AGL: variants seen among roughly 807,000 people sequenced by gnomAD.
The protein encoded by AGL is glycogen debranching enzyme.
In AGL, 128 loss-of-function variants were observed where a neutral mutation model predicts 199.3. The ratio of observed to expected loss-of-function variants is 0.64; its 90% CI spans 0.56 to 0.74. The LOEUF (loss-of-function observed/expected upper bound fraction) is 0.74. AGL is among the 30% of genes least tolerant of loss of function. The pLI, the probability that AGL is intolerant of heterozygous loss-of-function variation, is 0.00. For missense variants in AGL, 1,809 were observed against 1,820.8 expected (o/e 0.99, Z 0.12); for synonymous variants, 584 against 594.7 (o/e 0.98, Z 0.26).
At chr1:99,921,396 T>G in intron 33 of AGL, 138 bp from the exon 34 acceptor site, 1 of 708,852 alleles carries the variant, frequency 1.4e-6, no homozygotes, top group East Asian at 2.5e-5. Context: ...TGTATGTCTT[T>G]AGGATATTGT....
intron 7 of AGL, among the ~76,000 whole-genome samples, chr1:99,871,621 G>A (rs1651022597): frequency 6.6e-6 from 1 of 152,134 alleles, no homozygotes; most frequent in East Asian, 1.9e-4. Flanking sequence ...TGCCTTTGAA[G>A]TAGACGTCAA....
intron 2 of AGL, among the ~76,000 whole-genome samples, chr1:99,860,062 AT>A (rs1402673585): frequency 6.6e-6 from 1 of 152,188 alleles, no homozygotes; most frequent in East Asian, 1.9e-4. Context: ...AGATCAAAAA[AT>A]ATAAACATTC....
At chr1:99,865,163 CAA>C (rs1491471420) in intron 5 of AGL, among the ~76,000 whole-genome samples, 3 of 150,996 alleles carry the variant, frequency 2.0e-5, no homozygotes, top group Non-Finnish European at 3.0e-5. Flanking sequence ...CACAAAATAT[CAA>C]AATATATATA....
Position 99,879,232 on chromosome 1 carries a change from G to A in AGL, c.1612-691G>A, listed in dbSNP as rs568425632. 2.6e-5 allele frequency among the ~76,000 whole-genome samples: 4 copies of A among 152,226 alleles called. No individual in the cohort carries two copies. In the South Asian group the frequency reaches 8.3e-4, roughly 32 times the overall value. On this transcript the variant is annotated intron_variant, in intron 12 of 33. Transcript: ENST00000361915. ...AACAGCTAAGTAATTCACCAGCAGG[G>A]AATTTATGAATAATTATTTAGTCAA...
chr1:99,905,902 G>A (rs893753475), intron 27 of AGL, among the ~76,000 whole-genome samples: 1 of 151,954 alleles, frequency 6.6e-6, no homozygotes, highest in African/African-American at 2.4e-5. Flanking sequence ...TTTTATAATT[G>A]TATAATTGGA....
intron 17 of AGL, among the ~76,000 whole-genome samples, chr1:99,883,295 G>A (rs1040768286): frequency 6.6e-6 from 1 of 152,032 alleles, no homozygotes; most frequent in African/African-American, 2.4e-5. Context: ...TTAAAGTAAG[G>A]TTGAAATTTT....
rs1181274048 is a variant in AGL, at chr1:99,915,369, T to C, written c.4162-20T>C. On this transcript the variant is annotated intron_variant, in intron 30 of 33. Transcript: ENST00000361915. ...TCTGTGATCTTAAAAATTTGTATAT[T>C]TGTTTTTGGCATTCACTAGGCCCCT... The C allele has an allele frequency of 1.9e-6, 3 of 1,587,248 alleles. No homozygotes were observed. The African/African-American group carries it at 4.0e-5, about 21-fold the overall frequency.
chr1:99,857,847 A>AGAGGGAGGCCGTGGGGAGGGGGGGGGGGG (rs1557743553), intron 2 of AGL, among the ~76,000 whole-genome samples: 2 of 8,222 alleles, frequency 2.4e-4, no homozygotes, highest in African/African-American at 4.8e-4. Context: ...GGGGAGGGGG[A>AGAGGGAGGCCGTGGGGAGGGGGGGGGGGG]GGGGGGAAGA....
chr1:99,879,849 CTT>C, intron 12 of AGL, 72 bp from the exon 13 acceptor site: 2 of 1,290,470 alleles, frequency 1.5e-6, no homozygotes, highest in Non-Finnish European at 2.3e-6. Context: ...CCTTTTGTCT[CTT>C]TCCTTCCTCC....
rs2100769049 is a variant in AGL, at chr1:99,884,414, T to C, written c.2509T>C (p.Phe837Leu). 3.7e-6 allele frequency: 6 copies of C among 1,613,266 alleles called. No homozygotes were observed. The East Asian group carries it at 1.3e-4, about 36-fold the overall frequency. Reference protein sequence around the residue: ...GPNEYIQEIEFENLSPGSVII... With the variant: ...GPNEYIQEIELENLSPGSVII... ...CAATGAATATATTCAAGAAATAGAA[T>C]TTGAAAACTTGTCTCCAGGAAGTGT... Residue 837 changes from phenylalanine to leucine, a missense_variant, in exon 19 of 34, where the codon TTT (phenylalanine) becomes CTT (leucine). Phe to Leu is a conservative substitution (Grantham distance 22). Transcript: ENST00000361915.
rs2101145318 is a variant in AGL at position 99,879,968 on chromosome 1, G to A, written c.1657G>A (p.Val553Ile). The change falls in exon 13 of 34, where the codon GTA becomes ATA. Residue 553 changes from valine (V) to isoleucine (I), a missense_variant. Transcript: ENST00000361915. ...ARNLQPNLYV[V>I]AELFTGSEDL... is the part of the protein sequence containing the mutation. ...GAATTTGCAACCCAATTTATATGTAGTAGCTGAACTGTTCACAGGAAGTGA... is the reference window on the plus strand; with the variant it reads ...GAATTTGCAACCCAATTTATATGTAATAGCTGAACTGTTCACAGGAAGTGA... The A allele has an allele frequency of 6.2e-7, 1 of 1,613,718 alleles. No individual in the cohort carries two copies. Among genetic ancestry groups the A allele is most frequent in the East Asian group, 2.2e-5 (1 of 44,774 alleles).
At chr1:99,874,869 G>A (rs957430075) in intron 8 of AGL, 59 bp downstream of exon 8, 2 of 1,570,464 alleles carry the variant, frequency 1.3e-6, no homozygotes, top group Admixed American at 3.4e-5. Context: ...TTTATGGCTA[G>A]TATGATTTTC....
chr1:99,891,831 A>G (rs556394911), intron 23 of AGL, 92 bp downstream of exon 23: 35 of 1,459,314 alleles, frequency 2.4e-5, no homozygotes, highest in Admixed American at 1.5e-4. Flanking sequence ...ACCAAACCAT[A>G]AAGAATTGTC....
chr1:99,911,835 G>A (rs1158646325), intron 28 of AGL, among the ~76,000 whole-genome samples: 2 of 152,154 alleles, frequency 1.3e-5, no homozygotes, highest in African/African-American at 4.8e-5. Context: ...AACACTTTGG[G>A]AGGTTGGGAG....
Position 99,856,313 on chromosome 1 carries a change from TCCCTCCCTTCCTTCCTC to T in AGL, c.83-5187_83-5171del, listed in dbSNP as rs1649422564. Among the ~76,000 whole-genome samples the T allele has an allele frequency of 9.0e-4, 14 of 15,592 alleles. No homozygotes were observed. In the Admixed American group the frequency reaches 9.1e-3, roughly 10 times the overall value. The allele number at this position is 15,592 out of a possible 152,430, so 10.2% of individuals were successfully genotyped here. A position where few individuals can be genotyped will look rare whatever the true frequency, so the allele number is the denominator to read the frequency against. On this transcript the variant is annotated intron_variant, in intron 2 of 33. Transcript: ENST00000361915. The stretch of plus-strand genomic sequence containing the variant: ...TAACATCCCTTCCTTCCTTCCTCCC[TCCCTCCCTTCCTTCCTC>T]CCTCCCTCCCTCCCTCCCTCCCTCC...
rs1651347367 is a variant in AGL, at chr1:99,874,671, C to T, written c.959-16C>T. On this transcript the variant is annotated splice_polypyrimidine_tract_variant and intron_variant, in intron 7 of 33. Coordinates refer to ENST00000361915, the MANE Select transcript of AGL (RefSeq NM_000642.3). ...TAGATATTTGCATTTAAGGTATCGT[C>T]TTTTCTTTCTTTTAGAAAATAGGCG... The T allele has an allele frequency of 6.2e-7, 1 of 1,605,062 alleles. No individual in the cohort carries two copies. The highest frequency in any genetic ancestry group is 8.5e-7 in the Non-Finnish European group (1 of 1,172,514).
chr1:99,890,695 G>A (rs1652823354), intron 21 of AGL, among the ~76,000 whole-genome samples: 1 of 151,530 alleles, frequency 6.6e-6, no homozygotes, highest in Non-Finnish European at 1.5e-5. Context: ...TTAGTTCTAA[G>A]TACCTCCTGT....
intron 2 of AGL, among the ~76,000 whole-genome samples, chr1:99,857,847 A>AGAGGGAGACCGGGGGGGGGGGGTGGGGGT (rs1557743553): frequency 2.4e-4 from 2 of 8,224 alleles, no homozygotes; most frequent in Admixed American, 1.1e-3. Context: ...GGGGAGGGGG[A>AGAGGGAGACCGGGGGGGGGGGGTGGGGGT]GGGGGGAAGA....
At chr1:99,850,899 G>GT (rs1648895779) in intron 1 of AGL, 76 bp from the exon 2 acceptor site, 7 of 757,680 alleles carry the variant, frequency 9.2e-6, no homozygotes, top group Non-Finnish European at 9.6e-6. Context: ...CTTCGAACAT[G>GT]TAAGTGCCGC....
Sources: gnomAD v4.1 joint callset for allele counts (sites outside exome capture counted in the v4.1 genomes callset) on GRCh38, gnomAD v4.1.1 for gene constraint, MANE v1.5 for transcripts, NCBI Gene and HGNC (gene_info 2026-07-23, HGNC 2026-07-21) for gene names.